FAM13C: variants seen among roughly 807,000 people sequenced by gnomAD.
FAM13C encodes family with sequence similarity 13 member C.
FAM13C carries 37 observed loss-of-function variants against 73.2 expected under a neutral mutation model. That is an observed-to-expected ratio of 0.51 (90% CI 0.39 to 0.67). The LOEUF (loss-of-function observed/expected upper bound fraction) is 0.67, where lower values mean the gene tolerates loss of function less well. Ranked by LOEUF, FAM13C falls within the 30% of genes least tolerant of loss-of-function variation. FAM13C has a pLI of 0.00. For synonymous variants in FAM13C, 246 were observed against 260.9 expected, an observed-to-expected ratio of 0.94 and a Z score of 0.55; for missense variants, 589 against 715.6, an observed-to-expected ratio of 0.82 and a Z score of 2.02.
intron 11 of FAM13C, chr10:59,254,066 C>G: frequency 2.7e-6 from 1 of 370,212 alleles, no homozygotes; most frequent in East Asian, 3.9e-5. Context: ...AAACTGAAAT[C>G]TATCATTTCT....
intron 5 of FAM13C, among the ~76,000 whole-genome samples, chr10:59,288,319 C>A (rs1342541934): frequency 6.6e-6 from 1 of 152,114 alleles, no homozygotes; most frequent in Non-Finnish European, 1.5e-5. Flanking sequence ...TGGTGAAACC[C>A]CTTCTCTACT....
intron 8 of FAM13C, among the ~76,000 whole-genome samples, chr10:59,267,092 G>A (rs575881206): frequency 1.2e-4 from 18 of 152,264 alleles, no homozygotes; most frequent in Admixed American, 3.9e-4. Flanking sequence ...TTAAGTAGCC[G>A]TGCTGGATTC....
intron 7 of FAM13C, 39 bp from the exon 8 acceptor site, chr10:59,268,730 T>C: frequency 6.3e-7 from 1 of 1,598,674 alleles, no homozygotes; most frequent in Non-Finnish European, 8.5e-7. Context: ...TCAAAAACAG[T>C]GGGCTTCCAG....
intron 13 of FAM13C, among the ~76,000 whole-genome samples, chr10:59,250,098 G>T (rs1481236847): frequency 6.6e-6 from 1 of 152,158 alleles, no homozygotes; most frequent in Non-Finnish European, 1.5e-5. Context: ...TTTAGATTTA[G>T]AATATGTGAT....
chr10:59,258,850 C>T (rs778791572), intron 10 of FAM13C, among the ~76,000 whole-genome samples: 9 of 151,902 alleles, frequency 5.9e-5, no homozygotes, highest in Non-Finnish European at 1.0e-4. Flanking sequence ...TGATTTTTTC[C>T]AGATAAAATG....
rs148715812 is a variant in FAM13C at position 59,293,069 on chromosome 10, C to CTTTTTTT, written c.508-9629_508-9623dup. ...TCTGAGATCAACATTTTTTCTTTTT[C>CTTTTTTT]TTTTTTTTTTTTTTTTTTTTTTGAG... On this transcript the variant is annotated intron_variant, in intron 5 of 13. Coordinates refer to ENST00000618804, the MANE Select transcript of FAM13C (RefSeq NM_198215.4). Among the ~76,000 whole-genome samples the CTTTTTTT allele has an allele frequency of 3.6e-3, 396 of 109,476 alleles. 3 individuals are homozygous for CTTTTTTT. Among genetic ancestry groups the CTTTTTTT allele is most frequent in the African/African-American group, 9.8e-3 (250 of 25,460 alleles). 71.8% of individuals were successfully genotyped at this position (109,476 alleles called of 152,430 possible). A position where few individuals can be genotyped will look rare whatever the true frequency, so the allele number is the denominator to read the frequency against.
intron 3 of FAM13C, among the ~76,000 whole-genome samples, chr10:59,351,285 T>C (rs2134252211): frequency 6.7e-6 from 1 of 148,458 alleles, no homozygotes; most frequent in East Asian, 2.0e-4. Context: ...TGACCTGAGA[T>C]TGTGCCACTG....
At chr10:59,335,344 T>C (rs375566393) in intron 3 of FAM13C, among the ~76,000 whole-genome samples, 1 of 152,198 alleles carries the variant, frequency 6.6e-6, no homozygotes, top group Admixed American at 6.5e-5. Flanking sequence ...CCTAAGGACC[T>C]ACGAGACCCA....
intron 6 of FAM13C, among the ~76,000 whole-genome samples, chr10:59,272,697 C>T (rs1057272321): frequency 2.6e-5 from 4 of 152,122 alleles, no homozygotes; most frequent in Non-Finnish European, 4.4e-5. Flanking sequence ...GGGCTCCAGC[C>T]AGTTTCCCCA....
chr10:59,257,772 A>G (rs1842084340), intron 10 of FAM13C, among the ~76,000 whole-genome samples: 1 of 152,236 alleles, frequency 6.6e-6, no homozygotes, highest in Non-Finnish European at 1.5e-5. Context: ...TTAGATGTTC[A>G]AGCCGGGAAT....
chr10:59,328,941 C>T (rs951319788), intron 3 of FAM13C, among the ~76,000 whole-genome samples: 1 of 152,122 alleles, frequency 6.6e-6, no homozygotes, highest in South Asian at 2.1e-4. Context: ...ACCCAAGAGT[C>T]CCTTTTTTCT....
chr10:59,345,310 C>A (rs999622855), intron 3 of FAM13C, among the ~76,000 whole-genome samples: 1 of 152,122 alleles, frequency 6.6e-6, no homozygotes, highest in Admixed American at 6.5e-5. Context: ...TGCTACAATA[C>A]CAAATTATCA....
intron 8 of FAM13C, 44 bp from the exon 9 acceptor site, chr10:59,264,210 G>T: frequency 7.5e-7 from 1 of 1,331,260 alleles, no homozygotes; most frequent in South Asian, 1.2e-5. Context: ...GAGGGAAGGA[G>T]GGAGAGGGTG....
chr10:59,355,869 A>C lies in FAM13C; in HGVS notation c.119+18T>G. 3 of 1,613,362 alleles carry C rather than the reference A, an allele frequency of 1.9e-6. No individual in the cohort carries two copies. The highest frequency in any genetic ancestry group is 2.5e-6 in the Non-Finnish European group (3 of 1,179,334). ...TTCTGTCTCTCACAAATATGAACCAAGCAATGGTGGCTTTTACCTGAGACT... is the reference window on the plus strand; with the variant it reads ...TTCTGTCTCTCACAAATATGAACCACGCAATGGTGGCTTTTACCTGAGACT... On this transcript the variant is annotated intron_variant, in intron 2 of 13. Coordinates refer to ENST00000618804, the MANE Select transcript of FAM13C (RefSeq NM_198215.4).
At chr10:59,300,235 C>T (rs1158505674) in intron 5 of FAM13C, among the ~76,000 whole-genome samples, 1 of 152,172 alleles carries the variant, frequency 6.6e-6, no homozygotes, top group Non-Finnish European at 1.5e-5. Context: ...AGTGAAATAC[C>T]AGATGTAAAA....
chr10:59,276,535 G>A (rs986014293), intron 6 of FAM13C, among the ~76,000 whole-genome samples: 11 of 152,154 alleles, frequency 7.2e-5, no homozygotes, highest in African/African-American at 2.7e-4. Context: ...AACTGAGGAG[G>A]ATGAGAGAGT....
intron 4 of FAM13C, among the ~76,000 whole-genome samples, chr10:59,312,334 T>G (rs2133939865): frequency 6.6e-6 from 1 of 152,232 alleles, no homozygotes; most frequent in South Asian, 2.1e-4. Context: ...ATGCTGCCTG[T>G]TCCCTATTCA....
At chr10:59,254,316 C>A in intron 11 of FAM13C, 32 bp downstream of exon 11, 11 of 1,435,462 alleles carry the variant, frequency 7.7e-6, no homozygotes, top group Non-Finnish European at 1.1e-5. Flanking sequence ...CACATCAGTA[C>A]AAAGTAACAG....
intron 3 of FAM13C, among the ~76,000 whole-genome samples, chr10:59,340,513 C>G (rs947003903): frequency 1.3e-5 from 2 of 152,254 alleles, no homozygotes; most frequent in Non-Finnish European, 2.9e-5. Context: ...AAGAATGACT[C>G]TAACACCCAG....
Sources: allele counts gnomAD v4.1 joint callset (sites outside exome capture counted in the v4.1 genomes callset), GRCh38; gene constraint gnomAD v4.1.1; transcripts MANE v1.5; gene names NCBI Gene and HGNC (gene_info 2026-07-23, HGNC 2026-07-21).